LMX1B: variants seen among roughly 807,000 people sequenced by gnomAD.
LMX1B encodes LIM homeobox transcription factor 1-beta.
In LMX1B, 12 loss-of-function variants were observed where a neutral mutation model predicts 51.4. The ratio of observed to expected loss-of-function variants is 0.23; its 90% CI spans 0.15 to 0.38. The LOEUF (loss-of-function observed/expected upper bound fraction) is 0.38, where lower values mean the gene tolerates loss of function less well. LMX1B is among the 10% of genes least tolerant of loss of function. The probability of loss-of-function intolerance (pLI) is 1.00; values close to 1 mark genes in which losing one functional copy is unlikely to be tolerated. For synonymous variants in LMX1B, 237 were observed against 235.4 expected (o/e 1.01, Z -0.06); for missense variants, 445 against 571.1 (o/e 0.78, Z 2.25).
At position 126,695,872 on chromosome 9, in the gene LMX1B, C is replaced by T. The variant is rs1405549820; in HGVS notation, c.920C>T (p.Ala307Val). 6.2e-7 allele frequency: 1 copy of T among 1,613,124 alleles called. No homozygotes were observed. Among genetic ancestry groups the T allele is most frequent in the Non-Finnish European group, 8.5e-7 (1 of 1,179,726 alleles). The change falls in exon 7 of 8, where the codon GCT (alanine) becomes GTT (valine). Residue 307 changes from alanine (A) to valine (V), a missense_variant. Physicochemically the swap from Ala to Val is moderately conservative, Grantham distance 64. Coordinates refer to ENST00000373474, the MANE Select transcript of LMX1B (RefSeq NM_001174147.2). This position sits in a 1 kb window ranked among gnomAD's most constrained non-coding sequence, Gnocchi z 5.2. ...VLSSRMEGMM[A>V]SYTPLAPPQQ... ...TCCAGCCGCATGGAGGGCATGATGG[C>T]TTCCTACACGCCGCTGGCCCCACCA...
chr9:126,615,423 G>A lies in LMX1B; in HGVS notation c.180G>A (p.Gln60=), dbSNP rs781592042. The part of the protein sequence containing the change: ...CPHPAVCEGC[Q]RPISDRFLMR... ...ATCCCGCCGTCTGCGAGGGCTGCCA[G>A]CGGCCCATCTCCGACCGCTTCCTGA... The change falls in exon 2 of 8, where the codon CAG becomes CAA. Residue 60 remains glutamine, a synonymous_variant. Coordinates refer to ENST00000373474, the MANE Select transcript of LMX1B (RefSeq NM_001174147.2). This position sits in a 1 kb window ranked among gnomAD's most constrained non-coding sequence, Gnocchi z 6.0. The A allele has an allele frequency of 7.5e-6, 12 of 1,607,278 alleles. No homozygotes were observed. The highest frequency in any genetic ancestry group is 9.3e-6 in the Non-Finnish European group (11 of 1,177,324).
chr9:126,678,385 A>AG (rs1836613084), intron 2 of LMX1B, among the ~76,000 whole-genome samples: 1 of 152,076 alleles, frequency 6.6e-6, no homozygotes, highest in South Asian at 2.1e-4. Context: ...TAACCAAGAA[A>AG]GGGAGGTGTC....
In LMX1B at chr9:126,691,048, G is replaced by A. The variant is rs747021100; in HGVS notation, c.539G>A (p.Ser180Asn). ...GAGAAGGACCTGCTCAGCTCCGTGA[G>A]CCCCGACGAGTCCGACTCCGGTGAG... ...EKEKDLLSSV[S>N]PDESDSVKSE... Residue 180 changes from serine to asparagine, a missense_variant, in exon 3 of 8, where the codon AGC (serine) becomes AAC (asparagine). Physicochemically the swap from Ser to Asn is conservative, Grantham distance 46 (BLOSUM62 1). Transcript: ENST00000373474. 3.1e-6 allele frequency: 5 copies of A among 1,612,180 alleles called. No homozygotes were observed. The highest frequency in any genetic ancestry group is 2.5e-6 in the Non-Finnish European group (3 of 1,179,100).
chr9:126,651,244 A>G (rs1251479130), intron 2 of LMX1B, among the ~76,000 whole-genome samples: 3 of 151,188 alleles, frequency 2.0e-5, no homozygotes, highest in East Asian at 2.0e-4. Flanking sequence ...TAAATAAATC[A>G]TGGGGTTTTC....
At chr9:126,648,147 C>T (rs768360060) in intron 2 of LMX1B, among the ~76,000 whole-genome samples, 2 of 152,164 alleles carry the variant, frequency 1.3e-5, no homozygotes, top group African/African-American at 2.4e-5. Context: ...AGAAAAAGGG[C>T]CTATAAGAAA....
chr9:126,663,525 A>G (rs1402167712), intron 2 of LMX1B, among the ~76,000 whole-genome samples: 1 of 152,164 alleles, frequency 6.6e-6, no homozygotes, highest in African/African-American at 2.4e-5. Flanking sequence ...TTGGCAAGGA[A>G]TTTGACCTCT....
At position 126,652,000 on chromosome 9, in the gene LMX1B, T is replaced by TGGG. The variant is rs5900714; in HGVS notation, c.326+36438_326+36440dup. ...CACAAGCCTCGGTAGTGGCCAGAGATGGGGGGGGGCCTGCCTGCGGTGGGA... is the reference window on the plus strand; with the variant it reads ...CACAAGCCTCGGTAGTGGCCAGAGATGGGGGGGGGGGGCCTGCCTGCGGTGGGA... On this transcript the variant is annotated intron_variant, in intron 2 of 7. Transcript: ENST00000373474. Among the ~76,000 whole-genome samples the TGGG allele has an allele frequency of 3.6e-3, 531 of 148,874 alleles. 2 individuals are homozygous for TGGG. The highest frequency in any genetic ancestry group is 0.013 in the African/African-American group (505 of 40,238).
At chr9:126,680,848 G>T (rs187428281) in intron 2 of LMX1B, among the ~76,000 whole-genome samples, 1 of 152,174 alleles carries the variant, frequency 6.6e-6, no homozygotes, top group Non-Finnish European at 1.5e-5. Context: ...ATCATAGCTC[G>T]CAGCCTCCCT....
chr9:126,690,807 G>A (rs749208532), intron 2 of LMX1B, 29 bp from the exon 3 acceptor site: 18 of 1,571,550 alleles, frequency 1.1e-5, no homozygotes, highest in Admixed American at 5.4e-5. Flanking sequence ...TCTGAGCACC[G>A]CCAACACGCC....
At position 126,695,863 on chromosome 9, in the gene LMX1B, G is replaced by A; in HGVS notation, c.911G>A (p.Gly304Asp). The A allele has an allele frequency of 6.2e-7, 1 of 1,613,190 alleles. No homozygotes were observed. Among genetic ancestry groups the A allele is most frequent in the Non-Finnish European group, 8.5e-7 (1 of 1,179,746 alleles). Residue 304 changes from glycine to aspartate, a missense_variant, in exon 7 of 8, where the codon GGC (glycine) becomes GAC (aspartate). This residue lies in a region of LMX1B where 162 missense variants were observed against 187.8 expected (regional missense o/e 0.86). Transcript: ENST00000373474. This position sits in a 1 kb window ranked among gnomAD's most constrained non-coding sequence, Gnocchi z 5.2. Reference sequence around the variant, plus strand: ...GAGGTCCTGTCCAGCCGCATGGAGGGCATGATGGCTTCCTACACGCCGCTG... The same window carrying A: ...GAGGTCCTGTCCAGCCGCATGGAGGACATGATGGCTTCCTACACGCCGCTG... Reference protein sequence around the residue: ...GQEVLSSRMEGMMASYTPLAP... With the variant: ...GQEVLSSRMEDMMASYTPLAP...
rs1299189434 is a variant in LMX1B, at chr9:126,699,852, G to A, written c.*3401G>A. On this transcript the variant is annotated 3_prime_UTR_variant, in exon 8 of 8. Coordinates refer to ENST00000373474, the MANE Select transcript of LMX1B (RefSeq NM_001174147.2). ...GAGCTGCAGCCTTGGCTGGGAGCTGGGCGGGGAGTAGCCAGGACCACCCCT... is the reference window on the plus strand; with the variant it reads ...GAGCTGCAGCCTTGGCTGGGAGCTGAGCGGGGAGTAGCCAGGACCACCCCT... The A allele has an allele frequency of 1.3e-5, 2 of 152,414 alleles. No individual in the cohort carries two copies. Among genetic ancestry groups the A allele is most frequent in the Non-Finnish European group, 2.9e-5 (2 of 68,198 alleles). The allele number at this position is 152,414 out of a possible 1,614,324, so 9.4% of individuals were successfully genotyped here.
rs769364429 is a variant in LMX1B, at chr9:126,693,264, A to G, written c.682A>G (p.Thr228Ala). Residue 228 changes from threonine to alanine, a missense_variant, in exon 4 of 8, where the codon ACG (threonine) becomes GCG (alanine). Coordinates refer to ENST00000373474, the MANE Select transcript of LMX1B (RefSeq NM_001174147.2). Reference protein sequence around the residue: ...RPKRPRTILTTQQRRAFKASF... With the variant: ...RPKRPRTILTAQQRRAFKASF... ...CAAGCGACCCCGGACCATCCTCACCACGCAGCAGCGAAGAGCCTTCAAGGC... is the reference window on the plus strand; with the variant it reads ...CAAGCGACCCCGGACCATCCTCACCGCGCAGCAGCGAAGAGCCTTCAAGGC... The G allele has an allele frequency of 1.9e-6, 3 of 1,611,920 alleles. No individual in the cohort carries two copies. The Admixed American group carries it at 5.0e-5, about 27-fold the overall frequency.
chr9:126,657,752 A>C (rs1230040943), intron 2 of LMX1B, among the ~76,000 whole-genome samples: 1 of 152,256 alleles, frequency 6.6e-6, no homozygotes, highest in Non-Finnish European at 1.5e-5. Context: ...TGCGCCAGCC[A>C]GCGTATGAGA....
At chr9:126,631,028 C>T (rs1588268942) in intron 2 of LMX1B, among the ~76,000 whole-genome samples, 1 of 152,260 alleles carries the variant, frequency 6.6e-6, no homozygotes, top group South Asian at 2.1e-4. Context: ...GCCTGCCCAC[C>T]CCTCCAGCTC....
chr9:126,632,751 T>C (rs555490901), intron 2 of LMX1B, among the ~76,000 whole-genome samples: 1 of 152,278 alleles, frequency 6.6e-6, no homozygotes, highest in South Asian at 2.1e-4. Context: ...GGCTAAGGCC[T>C]TGAGGTCCTG....
At chr9:126,664,123 G>GC (rs1836295185) in intron 2 of LMX1B, among the ~76,000 whole-genome samples, 1 of 152,122 alleles carries the variant, frequency 6.6e-6, no homozygotes, top group Non-Finnish European at 1.5e-5. Flanking sequence ...TGTCCAGCCA[G>GC]CCCTCGTCTG....
intron 2 of LMX1B, among the ~76,000 whole-genome samples, chr9:126,644,691 G>T (rs1485461848): frequency 2.0e-5 from 3 of 152,134 alleles, no homozygotes; most frequent in African/African-American, 7.2e-5. Context: ...ACTCTACTTT[G>T]CCACTTCCTG....
At chr9:126,662,850 A>T (rs1836271749) in intron 2 of LMX1B, among the ~76,000 whole-genome samples, 1 of 152,236 alleles carries the variant, frequency 6.6e-6, no homozygotes, top group Non-Finnish European at 1.5e-5. Flanking sequence ...CACCGGGGAC[A>T]TATAGGGAGC....
At chr9:126,627,005 A>G (rs1835547149) in intron 2 of LMX1B, among the ~76,000 whole-genome samples, 1 of 152,150 alleles carries the variant, frequency 6.6e-6, no homozygotes, top group Non-Finnish European at 1.5e-5. Flanking sequence ...CCGCCTGAGC[A>G]TTGATAAGGG....
Sources: allele counts gnomAD v4.1 joint callset (sites outside exome capture counted in the v4.1 genomes callset), GRCh38; gene constraint gnomAD v4.1.1; regional missense constraint gnomAD v4.1.1; non-coding constraint Gnocchi (gnomAD v3.1); transcripts MANE v1.5; gene names NCBI Gene and HGNC (gene_info 2026-07-23, HGNC 2026-07-21).